Variants in ZFPM2 observed in about 807,000 individuals in gnomAD.
The protein encoded by ZFPM2 is zinc finger protein, FOG family member 2.
A neutral mutation model predicts 98.6 loss-of-function variants in ZFPM2; 20 were observed. The observed-to-expected ratio is 0.20, with a 90% CI of 0.14 to 0.29. The LOEUF (loss-of-function observed/expected upper bound fraction) is 0.29, where lower values mean the gene tolerates loss of function less well. ZFPM2 is among the 10% of genes least tolerant of loss of function. ZFPM2 has a pLI of 1.00. For missense variants in ZFPM2, 1,310 were observed against 1,388.6 expected (o/e 0.94, Z 0.90); for synonymous variants, 518 against 502.7 (o/e 1.03, Z -0.41).
intron 1 of ZFPM2, among the ~76,000 whole-genome samples, chr8:105,399,797 T>C (rs1811297397): frequency 6.6e-6 from 1 of 152,172 alleles, no homozygotes; most frequent in Non-Finnish European, 1.5e-5. Flanking sequence ...GACGAAGTCT[T>C]GCTCTGTGTC....
chr8:105,441,648 C>G (rs1041945901), intron 2 of ZFPM2, among the ~76,000 whole-genome samples: 4 of 151,886 alleles, frequency 2.6e-5, no homozygotes, highest in African/African-American at 9.7e-5. Flanking sequence ...GGTTCTCCAC[C>G]ACAGCTAACA....
chr8:105,803,087 C>T lies in ZFPM2; in HGVS notation c.3005C>T (p.Thr1002Ile), dbSNP rs1814090739. 1 of 1,613,788 alleles carries T rather than the reference C, an allele frequency of 6.2e-7. No individual in the cohort carries two copies. Among genetic ancestry groups the T allele is most frequent in the Non-Finnish European group, 8.5e-7 (1 of 1,179,864 alleles). Residue 1002 changes from threonine to isoleucine, a missense_variant, in exon 8 of 8, where the codon ACT (threonine) becomes ATT (isoleucine). By Grantham distance (89) the Thr-to-Ile change is moderately conservative. Coordinates refer to ENST00000407775, the MANE Select transcript of ZFPM2 (RefSeq NM_012082.4). ...TCTGGTTCTCTTGTCATCCATAACACTGACATCGAGCAAAGCAGAAATGCA... is the reference window on the plus strand; with the variant it reads ...TCTGGTTCTCTTGTCATCCATAACATTGACATCGAGCAAAGCAGAAATGCA... ...YISGSLVIHN[T>I]DIEQSRNAEN...
chr8:105,355,214 G>A lies in ZFPM2; in HGVS notation c.40+36233G>A, dbSNP rs150814557. On this transcript the variant is annotated intron_variant, in intron 1 of 7. Coordinates refer to ENST00000407775, the MANE Select transcript of ZFPM2 (RefSeq NM_012082.4). ...TTTATTTGGCAAAATAAAATATATC[G>A]CTAAGGATGTTTGAAGTTTTAGTTT... Among the ~76,000 whole-genome samples the A allele has an allele frequency of 3.2e-4, 48 of 152,074 alleles. No individual in the cohort carries two copies. In the East Asian group the frequency reaches 7.7e-3, roughly 25 times the overall value.
chr8:105,493,876 C>T (rs1157880037), intron 3 of ZFPM2, among the ~76,000 whole-genome samples: 1 of 151,946 alleles, frequency 6.6e-6, no homozygotes, highest in Non-Finnish European at 1.5e-5. Context: ...GCTACAGTAA[C>T]ACAGTTCTCA....
chr8:105,517,289 G>T (rs1302759189), intron 3 of ZFPM2, among the ~76,000 whole-genome samples: 1 of 152,124 alleles, frequency 6.6e-6, no homozygotes, highest in Non-Finnish European at 1.5e-5. Flanking sequence ...GGGTTCTGAT[G>T]TCATGTCCAA....
intron 1 of ZFPM2, among the ~76,000 whole-genome samples, chr8:105,409,927 TAA>T (rs1242720781): frequency 6.6e-6 from 1 of 151,916 alleles, no homozygotes; most frequent in Non-Finnish European, 1.5e-5. Context: ...TGTGGGCTGA[TAA>T]ACTGCTTGTA....
chr8:105,774,379 C>T (rs1813051150), intron 5 of ZFPM2, among the ~76,000 whole-genome samples: 1 of 151,994 alleles, frequency 6.6e-6, no homozygotes, highest in Non-Finnish European at 1.5e-5. Context: ...ATTGTTATCC[C>T]CAGAATTTGA....
At chr8:105,724,914 AT>A (rs1343218606) in intron 5 of ZFPM2, among the ~76,000 whole-genome samples, 2 of 151,484 alleles carry the variant, frequency 1.3e-5, no homozygotes, top group Non-Finnish European at 3.0e-5. Context: ...AATCTCCAAA[AT>A]TTTTTTCTAT....
intron 3 of ZFPM2, among the ~76,000 whole-genome samples, chr8:105,476,869 C>T (rs1484621404): frequency 2.0e-5 from 3 of 151,992 alleles, no homozygotes; most frequent in Non-Finnish European, 4.4e-5. Flanking sequence ...TCAATGCCAG[C>T]ACTACAGCTT....
intron 3 of ZFPM2, among the ~76,000 whole-genome samples, chr8:105,487,929 T>TCTATCTAG (rs1293634129): frequency 2.8e-4 from 23 of 82,740 alleles, no homozygotes; most frequent in Admixed American, 4.3e-4. Context: ...TATCTATCTA[T>TCTATCTAG]CTAGCTAGCT....
intron 1 of ZFPM2, among the ~76,000 whole-genome samples, chr8:105,383,036 T>C (rs1444969964): frequency 6.6e-6 from 1 of 151,816 alleles, no homozygotes; most frequent in Non-Finnish European, 1.5e-5. Flanking sequence ...GAAAGGGAAA[T>C]AGGTGGTTAG....
intron 3 of ZFPM2, among the ~76,000 whole-genome samples, chr8:105,478,903 C>T (rs1039450475): frequency 8.5e-5 from 13 of 152,098 alleles, no homozygotes. Context: ...TAAAGTCTAT[C>T]CTCAGTTTCG....
chr8:105,796,007 A>C, intron 6 of ZFPM2: 2 of 200,880 alleles, frequency 1.0e-5, no homozygotes, highest in Non-Finnish European at 2.1e-5. Context: ...TTAAAATAAA[A>C]TATTTAACTG....
intron 4 of ZFPM2, among the ~76,000 whole-genome samples, chr8:105,598,201 G>A (rs1475914515): frequency 3.3e-5 from 5 of 151,898 alleles, no homozygotes; most frequent in African/African-American, 9.7e-5. Flanking sequence ...CTTGCAACAG[G>A]GCTTGCTTGC....
At chr8:105,661,356 A>G (rs1394711085) in intron 5 of ZFPM2, among the ~76,000 whole-genome samples, 1 of 152,198 alleles carries the variant, frequency 6.6e-6, no homozygotes, top group Non-Finnish European at 1.5e-5. Context: ...CAATGAAGAA[A>G]GTAACTCTGA....
chr8:105,328,554 G>C (rs1812156907), intron 1 of ZFPM2, among the ~76,000 whole-genome samples: 1 of 151,704 alleles, frequency 6.6e-6, no homozygotes, highest in South Asian at 2.1e-4. Context: ...GTATATTCTG[G>C]ACTATGCCAT....
chr8:105,712,184 G>A (rs1173786700), intron 5 of ZFPM2, among the ~76,000 whole-genome samples: 1 of 151,588 alleles, frequency 6.6e-6, no homozygotes, highest in Non-Finnish European at 1.5e-5. Context: ...AACAAGTGAT[G>A]GAGAAAGAGA....
chr8:105,376,299 C>A (rs532193316), intron 1 of ZFPM2, among the ~76,000 whole-genome samples: 2 of 152,292 alleles, frequency 1.3e-5, no homozygotes, highest in African/African-American at 4.8e-5. Context: ...GGATTAATTT[C>A]TCCTCTGCTC....
intron 5 of ZFPM2, among the ~76,000 whole-genome samples, chr8:105,712,142 A>G (rs10808407): frequency 0.39 from 58,463 of 151,766 alleles, 12,180 homozygotes; most frequent in African/African-American, 0.54. Flanking sequence ...GTGGAGAGTT[A>G]TAAGATGTTG....
Sources: allele counts gnomAD v4.1 joint callset (sites outside exome capture counted in the v4.1 genomes callset), GRCh38; gene constraint gnomAD v4.1.1; transcripts MANE v1.5; gene names NCBI Gene and HGNC (gene_info 2026-07-23, HGNC 2026-07-21).